UBAP2: variants seen among roughly 807,000 people sequenced by gnomAD.
UBAP2 encodes ubiquitin associated protein 2.
A neutral mutation model predicts 139.6 loss-of-function variants in UBAP2; 75 were observed. The ratio of observed to expected loss-of-function variants is 0.54; its 90% CI spans 0.45 to 0.65. The LOEUF (loss-of-function observed/expected upper bound fraction) is 0.65, where lower values mean the gene tolerates loss of function less well. Ranked by LOEUF, UBAP2 falls within the 30% of genes least tolerant of loss-of-function variation. The pLI, the probability that UBAP2 is intolerant of heterozygous loss-of-function variation, is 0.00. For synonymous variants in UBAP2, 526 were observed against 526.2 expected (o/e 1.00, Z 0.01); for missense variants, 1,368 against 1,369.6 (o/e 1.00, Z 0.02).
intron 6 of UBAP2, among the ~76,000 whole-genome samples, 184 bp from the exon 7 acceptor site, chr9:33,973,421 G>A (rs1436742412): frequency 2.6e-5 from 4 of 152,142 alleles, no homozygotes; most frequent in Admixed American, 2.0e-4. Context: ...CCCAGTTAGT[G>A]ACTTCTAAGG....
rs759503126 is a variant in UBAP2 at position 33,923,059 on chromosome 9, ACAGCAGTTGTTCCCAG to A, written c.3005-42_3005-27del. On this transcript the variant is annotated intron_variant, in intron 26 of 28. Coordinates refer to ENST00000379238, the MANE Select transcript of UBAP2 (RefSeq NM_001370062.2). ...CTAGGAGGAAAAGCAGTTGTTCCCC[ACAGCAGTTGTTCCCAG>A]CTCCAGGCTCCCCACCTCCAGGATC... 1.3e-5 allele frequency: 21 copies of A among 1,613,904 alleles called. No individual in the cohort carries two copies. The East Asian group carries it at 4.2e-4, about 33-fold the overall frequency.
At chr9:33,939,180 T>C (rs1296949236) in intron 16 of UBAP2, among the ~76,000 whole-genome samples, 1 of 144,112 alleles carries the variant, frequency 6.9e-6, no homozygotes, top group East Asian at 2.1e-4. Context: ...ATTATTTGAT[T>C]TCCTATGTCT....
chr9:33,947,540 G>A (rs1043822109), intron 13 of UBAP2, among the ~76,000 whole-genome samples: 1 of 152,156 alleles, frequency 6.6e-6, no homozygotes, highest in Non-Finnish European at 1.5e-5. Context: ...ATACTGTCCA[G>A]GCCGGGCGTG....
intron 7 of UBAP2, among the ~76,000 whole-genome samples, chr9:33,972,702 C>A (rs1412599379): frequency 1.3e-5 from 2 of 152,190 alleles, no homozygotes; most frequent in Non-Finnish European, 2.9e-5. Context: ...GCCTTTGAGT[C>A]TGTTCAATGT....
At position 33,982,394 on chromosome 9, in the gene UBAP2, A is replaced by T. The variant is rs10971830; in HGVS notation, c.520+4366T>A. ...CGACAACTTACTATCCAGCAAGGCCAACTGATCAAGCTAAGAACAAAAACC... is the reference window on the plus strand; with the variant it reads ...CGACAACTTACTATCCAGCAAGGCCTACTGATCAAGCTAAGAACAAAAACC... On this transcript the variant is annotated intron_variant, in intron 6 of 28. Transcript: ENST00000379238. 1.1e-4 allele frequency among the ~76,000 whole-genome samples: 16 copies of T among 152,348 alleles called. No homozygotes were observed. The East Asian group carries it at 2.9e-3, about 28-fold the overall frequency.
At chr9:34,024,033 G>C (rs1208685475) in intron 1 of UBAP2, among the ~76,000 whole-genome samples, 1 of 146,464 alleles carries the variant, frequency 6.8e-6, no homozygotes, top group African/African-American at 2.5e-5. Context: ...GACAGAGCAA[G>C]ACTCTGTCTC....
chr9:33,971,673 C>G lies in UBAP2; in HGVS notation c.657G>C (p.Gln219His), dbSNP rs1176494928. ...TACCAGTTCCCTCATCTGCACCATT[C>G]TGAGCAGCTTCCCAAACTACTAGCT... is the stretch of plus-strand genomic sequence containing the variant. ...GTKLVVWEAA[Q>H]NGADEGTELA... The change falls in exon 8 of 29, where the codon CAG (glutamine) becomes CAC (histidine). Residue 219 changes from glutamine (Q) to histidine (H), a missense_variant. By Grantham distance (24) the Gln-to-His change is conservative. Coordinates refer to ENST00000379238, the MANE Select transcript of UBAP2 (RefSeq NM_001370062.2). 19 of 1,609,886 alleles carry G rather than the reference C, an allele frequency of 1.2e-5. No homozygotes were observed. The highest frequency in any genetic ancestry group is 1.6e-5 in the Non-Finnish European group (19 of 1,176,080).
At position 33,944,674 on chromosome 9, in the gene UBAP2, T is replaced by C. The variant is rs369625432; in HGVS notation, c.1271-35A>G. ...GTAAGCAGCAATTAATGAGGCATAA[T>C]GGCTTCACAATGTTCTTCAATAGAA... On this transcript the variant is annotated intron_variant, in intron 13 of 28. Transcript: ENST00000379238. The C allele has an allele frequency of 5.3e-4, 852 of 1,601,914 alleles. 2 individuals are homozygous for C. Among genetic ancestry groups the C allele is most frequent in the Admixed American group, 7.6e-4 (45 of 59,302 alleles).
At chr9:33,944,744 T>A in intron 13 of UBAP2, 105 bp from the exon 14 acceptor site, 1 of 1,354,098 alleles carries the variant, frequency 7.4e-7, no homozygotes, top group Non-Finnish European at 1.0e-6. Flanking sequence ...TCATTTCCAG[T>A]TGAATTTCTT....
chr9:33,935,525 C>A (rs1024929333), intron 17 of UBAP2: 14 of 348,530 alleles, frequency 4.0e-5, no homozygotes, highest in African/African-American at 2.8e-4. Flanking sequence ...CCTTGGCCCC[C>A]CAAAGCACTG....
rs575670582 is a variant in UBAP2 at position 33,931,932 on chromosome 9, C to T, written c.2175+630G>A. Among the ~76,000 whole-genome samples, 7 of 152,254 alleles carry T rather than the reference C, an allele frequency of 4.6e-5. No individual in the cohort carries two copies. In the East Asian group the frequency reaches 1.2e-3, roughly 25 times the overall value. On this transcript the variant is annotated intron_variant, in intron 19 of 28. Transcript: ENST00000379238. ...CCTCCCAATAGAGGCTCCAGCCTCT[C>T]TTAAGTTTTCATTGCATGCCCTCTA...
At chr9:33,929,872 C>T (rs777946314) in intron 19 of UBAP2, among the ~76,000 whole-genome samples, 4 of 152,152 alleles carry the variant, frequency 2.6e-5, no homozygotes, top group East Asian at 1.9e-4. Context: ...GGCCTGGTGG[C>T]GTGTGCCTGT....
At chr9:33,973,625 G>A (rs892630773) in intron 6 of UBAP2, among the ~76,000 whole-genome samples, 2 of 152,180 alleles carry the variant, frequency 1.3e-5, no homozygotes, top group African/African-American at 2.4e-5. Context: ...GCACTGTTAA[G>A]TATCATTTTA....
chr9:33,938,696 T>C (rs1824811737), intron 16 of UBAP2, among the ~76,000 whole-genome samples: 1 of 149,974 alleles, frequency 6.7e-6, no homozygotes, highest in Admixed American at 6.8e-5. Context: ...CTAGGGAGGC[T>C]GAGGCAGGAG....
chr9:33,931,764 C>G (rs2130880967), intron 19 of UBAP2, among the ~76,000 whole-genome samples: 1 of 152,296 alleles, frequency 6.6e-6, no homozygotes, highest in African/African-American at 2.4e-5. Context: ...CAGAGGACAC[C>G]AAGTTCATCA....
rs1228053403 is a variant in UBAP2 at position 33,957,039 on chromosome 9, T to G, written c.799-893A>C. Among the ~76,000 whole-genome samples, 3 of 150,830 alleles carry G rather than the reference T, an allele frequency of 2.0e-5. No homozygotes were observed. The East Asian group carries it at 5.9e-4, about 30-fold the overall frequency. On this transcript the variant is annotated intron_variant, in intron 10 of 28. Transcript: ENST00000379238. ...CAGAGGTTGAGGCTGCCGTGAGCCA[T>G]GATCACACCACTGCACTCCAGCCTA...
intron 1 of UBAP2, among the ~76,000 whole-genome samples, chr9:34,042,906 A>G (rs1475104564): frequency 6.6e-6 from 1 of 151,998 alleles, no homozygotes; most frequent in East Asian, 1.9e-4. Context: ...ACTCCTCTCT[A>G]CAAAAAGAAA....
chr9:34,008,209 T>C (rs899120743), intron 2 of UBAP2, among the ~76,000 whole-genome samples: 1 of 151,602 alleles, frequency 6.6e-6, no homozygotes, highest in Non-Finnish European at 1.5e-5. Flanking sequence ...TCCCAGTTAC[T>C]TGGGAGGCTG....
intron 1 of UBAP2, among the ~76,000 whole-genome samples, chr9:34,032,493 T>G (rs2131335404): frequency 6.6e-6 from 1 of 152,294 alleles, no homozygotes; most frequent in Non-Finnish European, 1.5e-5. Flanking sequence ...ACCTTCCCCC[T>G]TTGGCCAGTC....
Sources: allele counts gnomAD v4.1 joint callset (sites outside exome capture counted in the v4.1 genomes callset), GRCh38; gene constraint gnomAD v4.1.1; transcripts MANE v1.5; gene names NCBI Gene and HGNC (gene_info 2026-07-23, HGNC 2026-07-21).